The following RABGAP1L variants were observed in gnomAD, a reference collection of about 807,000 sequenced individuals.
RABGAP1L encodes rab GTPase-activating protein 1-like.
In RABGAP1L, 63 loss-of-function variants were observed where a neutral mutation model predicts 137.7. The observed-to-expected ratio is 0.46, with a 90% CI of 0.37 to 0.56. The LOEUF (loss-of-function observed/expected upper bound fraction) is 0.56, where lower values mean the gene tolerates loss of function less well. Among genes scored for constraint, RABGAP1L ranks in the 20% least tolerant of loss-of-function variants. The pLI, the probability that RABGAP1L is intolerant of heterozygous loss-of-function variation, is 0.00. For synonymous variants in RABGAP1L, 431 were observed against 433.7 expected (o/e 0.99, Z 0.08); for missense variants, 1,095 against 1,244.0 (o/e 0.88, Z 1.80).
chr1:174,765,808 G>A (rs79195290), intron 18 of RABGAP1L, among the ~76,000 whole-genome samples: 9,885 of 152,046 alleles, frequency 0.065, 453 homozygotes, highest in Non-Finnish European at 0.092. Flanking sequence ...CATATCTAAG[G>A]TCACGAAAAT....
At chr1:174,308,262 CAT>C (rs938055555) in intron 11 of RABGAP1L, among the ~76,000 whole-genome samples, 3 of 152,000 alleles carry the variant, frequency 2.0e-5, no homozygotes, top group Admixed American at 1.3e-4. Context: ...TATACACACA[CAT>C]ATACATATAT....
chr1:174,812,960 T>G (rs369765456), intron 19 of RABGAP1L, among the ~76,000 whole-genome samples: 1 of 152,112 alleles, frequency 6.6e-6, no homozygotes. Context: ...GGAAGGCCAG[T>G]GCAGCTGGAG....
At chr1:174,771,389 C>G (rs75912125) in intron 18 of RABGAP1L, among the ~76,000 whole-genome samples, 11,261 of 151,946 alleles carry the variant, frequency 0.074, 612 homozygotes, top group East Asian at 0.32. Context: ...CATTTCAGTC[C>G]TTTAATGAGT....
At chr1:174,943,545 T>G (rs1332490019) in intron 19 of RABGAP1L, among the ~76,000 whole-genome samples, 1 of 152,280 alleles carries the variant, frequency 6.6e-6, no homozygotes, top group Non-Finnish European at 1.5e-5. Context: ...CTTTTAAGAC[T>G]TTATCCCAGG....
intron 13 of RABGAP1L, among the ~76,000 whole-genome samples, chr1:174,614,001 C>G (rs1193468416): frequency 1.3e-4 from 20 of 152,168 alleles, no homozygotes; most frequent in Non-Finnish European, 4.4e-5. Context: ...TGGGTCTTGA[C>G]TCTTTATCCA....
At chr1:174,388,881 G>A (rs1687008557) in intron 12 of RABGAP1L, among the ~76,000 whole-genome samples, 1 of 152,038 alleles carries the variant, frequency 6.6e-6, no homozygotes, top group Non-Finnish European at 1.5e-5. Flanking sequence ...TTTTTATTGA[G>A]TAAGAGAAAA....
At chr1:174,635,908 AT>A (rs1673979791) in intron 13 of RABGAP1L, among the ~76,000 whole-genome samples, 1 of 152,216 alleles carries the variant, frequency 6.6e-6, no homozygotes, top group Non-Finnish European at 1.5e-5. Flanking sequence ...GAAAAATGGC[AT>A]TCATTAAAAT....
intron 13 of RABGAP1L, among the ~76,000 whole-genome samples, chr1:174,425,056 T>C (rs2149177118): frequency 6.6e-6 from 1 of 152,176 alleles, no homozygotes; most frequent in East Asian, 1.9e-4. Flanking sequence ...AAATACTATT[T>C]GAGATGTGTA....
chr1:174,792,818 G>T (rs1246869779), intron 18 of RABGAP1L, among the ~76,000 whole-genome samples: 2 of 152,150 alleles, frequency 1.3e-5, no homozygotes, highest in African/African-American at 2.4e-5. Context: ...AGCCTATTGA[G>T]CTACATGTCA....
rs140212007 is a variant in RABGAP1L, at chr1:174,736,652, G to A, written c.2170-15661G>A. Among the ~76,000 whole-genome samples the A allele has an allele frequency of 1.4e-3, 206 of 152,244 alleles. 4 individuals carry two copies. In the East Asian group the frequency reaches 0.03, roughly 23 times the overall value. On this transcript the variant is annotated intron_variant, in intron 17 of 25. Transcript: ENST00000681986. The stretch of plus-strand genomic sequence containing the variant: ...CCTAGTAGAGGTTCTCTGTGCAGGC[G>A]CTGCCCCTGTGGCAGTCTTCTGCCT...
chr1:174,706,551 C>T (rs913386648), intron 17 of RABGAP1L, among the ~76,000 whole-genome samples: 2 of 151,956 alleles, frequency 1.3e-5, no homozygotes, highest in Admixed American at 6.5e-5. Flanking sequence ...TAAAACATTG[C>T]AGTCTTTAAA....
At chr1:174,395,508 A>G (rs1489446891) in intron 13 of RABGAP1L, among the ~76,000 whole-genome samples, 1 of 152,200 alleles carries the variant, frequency 6.6e-6, no homozygotes, top group Non-Finnish European at 1.5e-5. Flanking sequence ...ATGGCGGTTT[A>G]AACACCTCTG....
chr1:174,842,161 T>G (rs192304148), intron 19 of RABGAP1L, among the ~76,000 whole-genome samples: 1 of 152,328 alleles, frequency 6.6e-6, no homozygotes, highest in African/African-American at 2.4e-5. Context: ...TTACAAATTT[T>G]CCACTTAGTC....
rs1686406301 is a variant in RABGAP1L at position 174,774,875 on chromosome 1, T to C, written c.2211+22521T>C. 2.0e-5 allele frequency among the ~76,000 whole-genome samples: 3 copies of C among 152,146 alleles called. No homozygotes were observed. The South Asian group carries it at 6.2e-4, about 32-fold the overall frequency. Reference sequence around the variant, plus strand: ...GTATGGGCAACAGAGCAAGACCCTGTCTCAGAAAAAGAAAGAAACCATAAA... The same window carrying C: ...GTATGGGCAACAGAGCAAGACCCTGCCTCAGAAAAAGAAAGAAACCATAAA... On this transcript the variant is annotated intron_variant, in intron 18 of 25. Coordinates refer to ENST00000681986, the MANE Select transcript of RABGAP1L (RefSeq NM_001366446.1).
intron 15 of RABGAP1L, among the ~76,000 whole-genome samples, chr1:174,693,720 G>C (rs1013919901): frequency 6.6e-6 from 1 of 152,114 alleles, no homozygotes; most frequent in Non-Finnish European, 1.5e-5. Flanking sequence ...AATAGATACA[G>C]TAGTGAAAAA....
At position 174,364,543 on chromosome 1, in the gene RABGAP1L, C is replaced by T. The variant is rs372473429; in HGVS notation, c.1466-6436C>T. Among the ~76,000 whole-genome samples the T allele has an allele frequency of 9.2e-5, 14 of 151,940 alleles. No homozygotes were observed. In the East Asian group the frequency reaches 1.2e-3, roughly 13 times the overall value. On this transcript the variant is annotated intron_variant, in intron 11 of 25. Transcript: ENST00000681986. ...TGCTGGGATTACAGGCGTGAGCCAC[C>T]GCGCCCGGCCTGGATTTCTTCATGG...
At chr1:174,545,381 G>A (rs766140750) in intron 13 of RABGAP1L, 3 of 152,390 alleles carry the variant, frequency 2.0e-5, no homozygotes, top group Non-Finnish European at 4.4e-5. Flanking sequence ...GTGAGGCTCC[G>A]TGGGTGTGGG....
intron 18 of RABGAP1L, chr1:174,757,115 GT>G: frequency 2.1e-6 from 1 of 475,712 alleles, no homozygotes; most frequent in South Asian, 1.6e-5. Context: ...TTGGGAGGTT[GT>G]AATCTTGTTC....
intron 19 of RABGAP1L, among the ~76,000 whole-genome samples, chr1:174,939,042 A>C (rs1449579909): frequency 1.3e-5 from 2 of 152,208 alleles, no homozygotes; most frequent in African/African-American, 4.8e-5. Context: ...GCCAAGCCTA[A>C]TTTCAGATAG....
Sources: allele counts gnomAD v4.1 joint callset (sites outside exome capture counted in the v4.1 genomes callset), GRCh38; gene constraint gnomAD v4.1.1; transcripts MANE v1.5; gene names NCBI Gene and HGNC (gene_info 2026-07-23, HGNC 2026-07-21).